Variants in SMIM42 observed in about 807,000 individuals in gnomAD.
SMIM42 encodes the protein small integral membrane protein 42.
exon 1 of SMIM42, among the ~76,000 whole-genome samples, chr1:158,127,306 A>G (rs1662844297): frequency 6.6e-6 from 1 of 152,218 alleles, no homozygotes; most frequent in South Asian, 2.1e-4. Flanking sequence ...TAAAAAAAAT[A>G]CATTTTACTC....
exon 1 of SMIM42, among the ~76,000 whole-genome samples, chr1:158,127,843 C>T (rs940019980): frequency 1.3e-5 from 2 of 152,156 alleles, no homozygotes; most frequent in East Asian, 3.9e-4. Flanking sequence ...GTGGAGTCCC[C>T]ACCAAGAGAT....
At chr1:158,127,481 C>T (rs1470098382) in exon 1 of SMIM42, among the ~76,000 whole-genome samples, 1 of 151,876 alleles carries the variant, frequency 6.6e-6, no homozygotes, top group Non-Finnish European at 1.5e-5. Context: ...TCAGCACATG[C>T]CCAATTTATA....
chr1:158,128,144 C>A (rs1043486435), exon 1 of SMIM42, among the ~76,000 whole-genome samples: 1 of 152,076 alleles, frequency 6.6e-6, no homozygotes, highest in African/African-American at 2.4e-5. Flanking sequence ...GAGAATTGGG[C>A]TTGCTCTTGT....
chr1:158,128,115 C>T (rs764632492), exon 1 of SMIM42, among the ~76,000 whole-genome samples: 1 of 152,134 alleles, frequency 6.6e-6, no homozygotes, highest in East Asian at 1.9e-4. Context: ...TGGTGCAAGC[C>T]GACTGCCCAC....
rs562038059 is a variant in SMIM42, at chr1:158,128,213, A to G, written c.-139T>C. 4.6e-5 allele frequency among the ~76,000 whole-genome samples: 7 copies of G among 152,316 alleles called. No individual in the cohort carries two copies. In the East Asian group the frequency reaches 1.4e-3, roughly 29 times the overall value. On this transcript the variant is annotated 5_prime_UTR_variant, in exon 1 of 1. The change abolishes an upstream ATG in the 5' untranslated region. Transcript: ENST00000672824. ...AACATCTACTGATTCCATTCTTCAC[A>G]TGGGGCTATTCTCCTTTGGATGTAA...
At chr1:158,127,967 C>T (rs955581831) in exon 1 of SMIM42, among the ~76,000 whole-genome samples, 1 of 152,024 alleles carries the variant, frequency 6.6e-6, no homozygotes, top group Non-Finnish European at 1.5e-5. Context: ...CCAGAGTCAT[C>T]AGGGGTGTAA....
exon 1 of SMIM42, among the ~76,000 whole-genome samples, chr1:158,127,466 C>T (rs766345213): frequency 6.6e-6 from 1 of 151,970 alleles, no homozygotes; most frequent in Non-Finnish European, 1.5e-5. Flanking sequence ...TTCAATATCC[C>T]ACAGTCAGCA....
chr1:158,128,104 G>A lies in SMIM42; in HGVS notation c.-30C>T, dbSNP rs763554946. Among the ~76,000 whole-genome samples, 2 of 152,152 alleles carry A rather than the reference G, an allele frequency of 1.3e-5. No homozygotes were observed. Among genetic ancestry groups the A allele is most frequent in the Non-Finnish European group, 2.9e-5 (2 of 68,024 alleles). On this transcript the variant is annotated 5_prime_UTR_variant, in exon 1 of 1. In the 5' UTR this introduces an upstream ATG that the reference lacks. Transcript: ENST00000672824. Reference sequence around the variant, plus strand: ...TTCCAAAAAGAGCTGAGATAGGTACGTGGTGCAAGCCGACTGCCCACACCA... The same window carrying A: ...TTCCAAAAAGAGCTGAGATAGGTACATGGTGCAAGCCGACTGCCCACACCA...
chr1:158,127,444 GC>G (rs1352504556), exon 1 of SMIM42, among the ~76,000 whole-genome samples: 1 of 152,074 alleles, frequency 6.6e-6, no homozygotes, highest in Non-Finnish European at 1.5e-5. Context: ...GATGCTGTGA[GC>G]TCCCAATAAT....
exon 1 of SMIM42, among the ~76,000 whole-genome samples, chr1:158,127,860 C>T (rs760282992): frequency 1.1e-4 from 16 of 152,168 alleles, no homozygotes; most frequent in Non-Finnish European, 1.6e-4. Context: ...AGATCCAGAT[C>T]TTTATGGCAG....
chr1:158,127,734 A>C (rs1171403824), exon 1 of SMIM42, among the ~76,000 whole-genome samples: 1 of 151,912 alleles, frequency 6.6e-6, no homozygotes, highest in East Asian at 1.9e-4. Flanking sequence ...CTGGCAATGG[A>C]GGAACAGGGT....
At chr1:158,127,740 AG>A (rs1453305790) in exon 1 of SMIM42, among the ~76,000 whole-genome samples, 1 of 152,162 alleles carries the variant, frequency 6.6e-6, no homozygotes, top group East Asian at 1.9e-4. Flanking sequence ...ATGGAGGAAC[AG>A]GGTGGCTAAA....
exon 1 of SMIM42, among the ~76,000 whole-genome samples, chr1:158,127,401 G>C (rs1003326617): frequency 2.6e-5 from 4 of 152,118 alleles, no homozygotes; most frequent in African/African-American, 4.8e-5. Context: ...TTCTGGAAAT[G>C]AGCTTCCAGA....
exon 1 of SMIM42, among the ~76,000 whole-genome samples, chr1:158,127,979 G>C (rs977503397): frequency 1.3e-5 from 2 of 152,158 alleles, no homozygotes; most frequent in Non-Finnish European, 2.9e-5. Context: ...GGGGTGTAAA[G>C]AAGAAGAGAA....
exon 1 of SMIM42, among the ~76,000 whole-genome samples, chr1:158,128,016 A>C (rs1662854084): frequency 6.6e-6 from 1 of 152,194 alleles, no homozygotes; most frequent in Admixed American, 6.5e-5. Context: ...AGGATTAGAT[A>C]TGGCAGTGGT....
chr1:158,128,182 C>T (rs543386483), exon 1 of SMIM42, among the ~76,000 whole-genome samples: 5 of 152,172 alleles, frequency 3.3e-5, no homozygotes, highest in South Asian at 2.1e-4. Flanking sequence ...TATGGTACAG[C>T]GACCAAACAT....
chr1:158,127,661 G>T (rs1018604347), exon 1 of SMIM42, among the ~76,000 whole-genome samples: 1 of 149,966 alleles, frequency 6.7e-6, no homozygotes, highest in South Asian at 2.1e-4. Flanking sequence ...CCAAAGAACC[G>T]CAGGAGGAGT....
exon 1 of SMIM42, among the ~76,000 whole-genome samples, chr1:158,128,240 G>C (rs1662856299): frequency 6.6e-6 from 1 of 152,148 alleles, no homozygotes; most frequent in South Asian, 2.1e-4. Context: ...TGGATGTAAT[G>C]GAGAAGGCAT....
exon 1 of SMIM42, among the ~76,000 whole-genome samples, chr1:158,127,582 T>C (rs545815807): frequency 7.2e-4 from 104 of 145,226 alleles, no homozygotes; most frequent in Non-Finnish European, 1.2e-3. Context: ...CCATTTACTA[T>C]TTCAGTCTTG....
Sources: gnomAD v4.1 joint callset for allele counts (sites outside exome capture counted in the v4.1 genomes callset) on GRCh38, gnomAD v4.1.1 for gene constraint, MANE v1.5 for transcripts, NCBI Gene and HGNC (gene_info 2026-07-23, HGNC 2026-07-21) for gene names.